The following ANKRD7 variants were observed in gnomAD, a reference collection of about 807,000 sequenced individuals.
ANKRD7 encodes ankyrin repeat domain 7.
A neutral mutation model predicts 30.8 loss-of-function variants in ANKRD7; 30 were observed. The ratio of observed to expected loss-of-function variants is 0.97; its 90% CI spans 0.73 to 1.32. The LOEUF (loss-of-function observed/expected upper bound fraction) is 1.32, where lower values mean the gene tolerates loss of function less well. Among genes scored for constraint, ANKRD7 ranks in the 40% most tolerant of loss-of-function variants. ANKRD7 has a pLI of 0.00. For missense variants in ANKRD7, 264 were observed against 295.7 expected (o/e 0.89, Z 0.79); for synonymous variants, 97 against 106.6 (o/e 0.91, Z 0.55).
intron 4 of ANKRD7, 77 bp downstream of exon 4, chr7:118,236,224 G>GTGTGTGTGTA: frequency 1.3e-6 from 1 of 757,844 alleles, no homozygotes; most frequent in Non-Finnish European, 2.2e-6. Flanking sequence ...GTGTGTGTGT[G>GTGTGTGTGTA]TGTGTGTGTG....
At chr7:118,230,653 G>GTGT in intron 1 of ANKRD7, among the ~76,000 whole-genome samples, 1 of 146,218 alleles carries the variant, frequency 6.8e-6, no homozygotes, top group African/African-American at 2.5e-5. Flanking sequence ...TGTGTGTGTA[G>GTGT]AGAGAGAGAG....
chr7:118,229,290 C>G lies in ANKRD7; in HGVS notation c.179+4281C>G, dbSNP rs143170072. Among the ~76,000 whole-genome samples the G allele has an allele frequency of 5.1e-4, 78 of 152,224 alleles. 1 individual carries two copies. In the East Asian group the frequency reaches 0.015, roughly 29 times the overall value. ...GCTACTCTTTACCTACAGTTGTACC[C>G]TTTCTCCTCACTGACATTTCCTACC... On this transcript the variant is annotated intron_variant, in intron 1 of 6. Transcript: ENST00000265224.
At chr7:118,228,765 T>C (rs1424868308) in intron 1 of ANKRD7, among the ~76,000 whole-genome samples, 1 of 152,174 alleles carries the variant, frequency 6.6e-6, no homozygotes, top group Non-Finnish European at 1.5e-5. Flanking sequence ...TCAAAATAAA[T>C]CTAACATCCA....
intron 1 of ANKRD7, among the ~76,000 whole-genome samples, chr7:118,232,432 G>T (rs921688745): frequency 6.6e-6 from 1 of 152,026 alleles, no homozygotes. Context: ...CATGCTCAAA[G>T]CTAGATTAGT....
At position 118,224,796 on chromosome 7, in the gene ANKRD7, C is replaced by A. The variant is rs781336489; in HGVS notation, c.-35C>A. On this transcript the variant is annotated 5_prime_UTR_variant, in exon 1 of 7. Transcript: ENST00000265224. The stretch of plus-strand genomic sequence containing the variant: ...GGACGGCTAGGAGTTCAAGAAACAT[C>A]CTGGTCTGAGGGAAAGGCTGCAGCC... 1 of 1,591,514 alleles carries A rather than the reference C, an allele frequency of 6.3e-7. No individual in the cohort carries two copies. The highest frequency in any genetic ancestry group is 8.5e-7 in the Non-Finnish European group (1 of 1,171,494).
chr7:118,231,835 A>C (rs1031632322), intron 1 of ANKRD7, among the ~76,000 whole-genome samples: 1 of 152,100 alleles, frequency 6.6e-6, no homozygotes, highest in Admixed American at 6.6e-5. Context: ...TGAATGAAAC[A>C]AAATGACATC....
chr7:118,234,388 C>A, intron 1 of ANKRD7, 43 bp from the exon 2 acceptor site: 1 of 1,385,790 alleles, frequency 7.2e-7, no homozygotes, highest in Non-Finnish European at 9.9e-7. Context: ...ACTTCTCAAA[C>A]GAAGACTTAT....
chr7:118,237,939 G>A (rs917873502), intron 5 of ANKRD7, among the ~76,000 whole-genome samples: 3 of 152,050 alleles, frequency 2.0e-5, no homozygotes, highest in African/African-American at 7.2e-5. Flanking sequence ...CTACAAAAGT[G>A]ATCCCTAATG....
intron 3 of ANKRD7, among the ~76,000 whole-genome samples, chr7:118,235,126 A>C: frequency 6.6e-6 from 1 of 152,206 alleles, no homozygotes; most frequent in Non-Finnish European, 1.5e-5. Flanking sequence ...ATTGTTTAAC[A>C]GGCCATAACA....
At position 118,234,774 on chromosome 7, in the gene ANKRD7, T is replaced by A; in HGVS notation, c.368T>A (p.Ile123Asn). The part of the protein sequence containing the change: ...NFGADPDLRD[I>N]RYNTVLHYAV... ...GGTGCAGACCCAGATCTGAGGGATATTCGTTATAATACTGTTCTTCACTAT... is the reference window on the plus strand; with the variant it reads ...GGTGCAGACCCAGATCTGAGGGATAATCGTTATAATACTGTTCTTCACTAT... Residue 123 changes from isoleucine to asparagine, a missense_variant, in exon 3 of 7, where the codon ATT (isoleucine) becomes AAT (asparagine). By Grantham distance (149) the Ile-to-Asn change is moderately radical (BLOSUM62 -3). Transcript: ENST00000265224. The A allele has an allele frequency of 6.2e-7, 1 of 1,613,218 alleles. No individual in the cohort carries two copies. The highest frequency in any genetic ancestry group is 8.5e-7 in the Non-Finnish European group (1 of 1,179,764).
intron 5 of ANKRD7, among the ~76,000 whole-genome samples, chr7:118,238,141 C>T (rs1420952461): frequency 6.6e-6 from 1 of 152,140 alleles, no homozygotes; most frequent in African/African-American, 2.4e-5. Context: ...GGAAATCTTA[C>T]AATCTTCCTT....
At chr7:118,225,602 T>C (rs1228632039) in intron 1 of ANKRD7, among the ~76,000 whole-genome samples, 2 of 152,188 alleles carry the variant, frequency 1.3e-5, no homozygotes, top group Non-Finnish European at 2.9e-5. Flanking sequence ...CTTACTGTTT[T>C]GCTTCTTGGT....
chr7:118,241,801 A>G (rs1809852256), intron 6 of ANKRD7, among the ~76,000 whole-genome samples: 1 of 151,972 alleles, frequency 6.6e-6, no homozygotes, highest in Admixed American at 6.6e-5. Flanking sequence ...GGCCTCCCAA[A>G]GTGCTATAAT....
intron 1 of ANKRD7, among the ~76,000 whole-genome samples, chr7:118,231,690 C>T (rs944429502): frequency 5.9e-5 from 9 of 152,086 alleles, no homozygotes; most frequent in African/African-American, 1.9e-4. Context: ...CCTTGACGCT[C>T]ATCTCAGTCA....
chr7:118,238,716 T>C (rs535590040), intron 5 of ANKRD7, among the ~76,000 whole-genome samples: 1 of 152,348 alleles, frequency 6.6e-6, no homozygotes, highest in South Asian at 2.1e-4. Context: ...TTCATTTCTC[T>C]CATTAAAATT....
chr7:118,232,836 C>T (rs1809664512), intron 1 of ANKRD7, among the ~76,000 whole-genome samples: 1 of 151,870 alleles, frequency 6.6e-6, no homozygotes, highest in Admixed American at 6.6e-5. Flanking sequence ...ACCAAAGTTC[C>T]TTGGAACTAA....
intron 4 of ANKRD7, 117 bp from the exon 5 acceptor site, chr7:118,236,673 T>C (rs548093337): frequency 1.8e-6 from 2 of 1,099,434 alleles, no homozygotes; most frequent in Admixed American, 4.6e-5. Flanking sequence ...ACATTGTTGC[T>C]TTGACTCTTT....
At chr7:118,237,592 A>G (rs917951171) in intron 5 of ANKRD7, among the ~76,000 whole-genome samples, 8 of 151,822 alleles carry the variant, frequency 5.3e-5, no homozygotes, top group Non-Finnish European at 1.2e-4. Context: ...ATAAGTAGGT[A>G]TTTTTTCAGT....
rs756571790 is a variant in ANKRD7 at position 118,234,704 on chromosome 7, G to C, written c.298G>C (p.Val100Leu). 51 of 1,607,178 alleles carry C rather than the reference G, an allele frequency of 3.2e-5. 1 individual carries two copies. Among genetic ancestry groups the C allele is most frequent in the Non-Finnish European group, 4.3e-5 (51 of 1,178,124 alleles). ...TCTACTCTTGTTGCATTAACAGGCAGTACAGTGTCAAAATGAGGATTGTGC... is the reference window on the plus strand; with the variant it reads ...TCTACTCTTGTTGCATTAACAGGCACTACAGTGTCAAAATGAGGATTGTGC... ...SENKSPLIKAVQCQNEDCATI... is the reference protein window; with the variant it reads ...SENKSPLIKALQCQNEDCATI... The change falls in exon 3 of 7, where the codon GTA becomes CTA. Residue 100 changes from valine (V) to leucine (L), a missense_variant. Val to Leu is a conservative substitution (Grantham distance 32). Transcript: ENST00000265224.
Sources: gnomAD v4.1 joint callset for allele counts (sites outside exome capture counted in the v4.1 genomes callset) on GRCh38, gnomAD v4.1.1 for gene constraint, MANE v1.5 for transcripts, NCBI Gene and HGNC (gene_info 2026-07-23, HGNC 2026-07-21) for gene names.